Variants in ISG20L2 observed in about 807,000 individuals in gnomAD.
The protein encoded by ISG20L2 is interferon stimulated exonuclease gene 20 like 2.
A neutral mutation model predicts 27.8 loss-of-function variants in ISG20L2; 14 were observed. The observed-to-expected ratio is 0.50, with a 90% CI of 0.33 to 0.79. ISG20L2 has a LOEUF of 0.79. Among genes scored for constraint, ISG20L2 ranks in the 30% least tolerant of loss-of-function variants. The pLI is 0.02. For missense variants in ISG20L2, 393 were observed against 435.1 expected (o/e 0.90, Z 0.86); for synonymous variants, 157 against 165.7 (o/e 0.95, Z 0.40).
At position 156,724,231 on chromosome 1, in the gene ISG20L2, G is replaced by T. The variant is rs958261300; in HGVS notation, c.865C>A (p.Leu289Ile). The T allele has an allele frequency of 1.9e-6, 3 of 1,596,550 alleles. No homozygotes were observed. The highest frequency in any genetic ancestry group is 2.6e-6 in the Non-Finnish European group (3 of 1,166,324). ...TCCGGGCAGTCAGCCTTCCGGTTGA[G>T]GGGGGGGATATGGGAGGTGTCACGG... Reference protein sequence around the residue: ...LTRDTSHIPPLNRKADCPENA... With the variant: ...LTRDTSHIPPINRKADCPENA... The change falls in exon 3 of 4, where the codon CTC becomes ATC. Residue 289 changes from leucine (L) to isoleucine (I), a missense_variant. Around this residue, in one of 3 missense-constraint regions of ISG20L2, gnomAD observed 171 missense variants for 195.3 expected, o/e 0.88. Coordinates refer to ENST00000368219, the MANE Select transcript of ISG20L2 (RefSeq NM_001370150.2).
rs1648942015 is a variant in ISG20L2, at chr1:156,728,645, G to A, written c.-348C>T. The A allele has an allele frequency of 9.1e-6, 9 of 986,262 alleles. No individual in the cohort carries two copies. The highest frequency in any genetic ancestry group is 4.6e-5 in the South Asian group (1 of 21,774). 61.1% of individuals were successfully genotyped at this position (986,262 alleles called of 1,614,324 possible). On this transcript the variant is annotated 5_prime_UTR_variant, in exon 1 of 4. Coordinates refer to ENST00000368219, the MANE Select transcript of ISG20L2 (RefSeq NM_001370150.2). ...GCGTGGGTGGGGGCGGGGGCGGGAT[G>A]CGCTCCCCGGCCCCTCTAGCCCCGT...
chr1:156,726,621 C>G, intron 2 of ISG20L2: 1 of 931,424 alleles, frequency 1.1e-6, no homozygotes, highest in Non-Finnish European at 1.3e-6. Context: ...TGGGCTTGAG[C>G]GATTCTCCCG....
chr1:156,724,625 G>A, intron 2 of ISG20L2: 1 of 1,187,842 alleles, frequency 8.4e-7, no homozygotes, highest in Non-Finnish European at 1.0e-6. Flanking sequence ...TTTGCCTTCA[G>A]TCCTAAATGA....
intron 2 of ISG20L2, chr1:156,724,701 A>G: frequency 9.7e-7 from 1 of 1,026,116 alleles, no homozygotes; most frequent in South Asian, 4.0e-5. Context: ...TCCTTTAACT[A>G]TTACCATTAT....
Position 156,723,204 on chromosome 1 carries a change from G to T in ISG20L2, c.*145C>A. 1.0e-6 allele frequency: 1 copy of T among 958,728 alleles called. No homozygotes were observed. Among genetic ancestry groups the T allele is most frequent in the Non-Finnish European group, 1.6e-6 (1 of 638,446 alleles). 59.4% of individuals were successfully genotyped at this position (958,728 alleles called of 1,614,324 possible). On this transcript the variant is annotated 3_prime_UTR_variant, in exon 4 of 4. Transcript: ENST00000368219. ...ACAACACCTGAGGTGAAATTTCAAT[G>T]GGTATTAAGTCTGGGGTAGAGCTTC... is the stretch of plus-strand genomic sequence containing the variant.
chr1:156,724,100 A>G, intron 3 of ISG20L2, 48 bp downstream of exon 3: 1 of 1,511,550 alleles, frequency 6.6e-7, no homozygotes, highest in Non-Finnish European at 9.2e-7. Flanking sequence ...AGGGGCATCA[A>G]CGAGAGCCAT....
chr1:156,725,412 G>C (rs1648709321), intron 2 of ISG20L2: 1 of 152,232 alleles, frequency 6.6e-6, no homozygotes, highest in Non-Finnish European at 1.5e-5. Flanking sequence ...TCTTGAAGTA[G>C]GAGGACATGC....
intron 2 of ISG20L2, chr1:156,725,954 T>C: frequency 3.0e-6 from 3 of 985,532 alleles, no homozygotes; most frequent in Non-Finnish European, 3.6e-6. Flanking sequence ...TGCAAAGACG[T>C]GGACCAAGGG....
rs1291985869 is a variant in ISG20L2, at chr1:156,728,614, G to C, written c.-317C>G. On this transcript the variant is annotated 5_prime_UTR_variant, in exon 1 of 4. Transcript: ENST00000368219. Reference sequence around the variant, plus strand: ...AGGAGCGGCAGTGGCGGCGGAGGAGGGGGCGGCGTGGGTGGGGGCGGGGGC... The same window carrying C: ...AGGAGCGGCAGTGGCGGCGGAGGAGCGGGCGGCGTGGGTGGGGGCGGGGGC... The C allele has an allele frequency of 1.0e-6, 1 of 985,378 alleles. No individual in the cohort carries two copies. The highest frequency in any genetic ancestry group is 1.2e-6 in the Non-Finnish European group (1 of 829,454). 61.0% of individuals were successfully genotyped at this position (985,378 alleles called of 1,614,324 possible).
chr1:156,728,064 C>A lies in ISG20L2; in HGVS notation c.-117-295G>T, dbSNP rs536237110. On this transcript the variant is annotated intron_variant, in intron 1 of 3. Coordinates refer to ENST00000368219, the MANE Select transcript of ISG20L2 (RefSeq NM_001370150.2). ...TGGAGGGGCTTATAGAGCTCGAACCCTCTGAGTCTAAGAGGCTAGAACACG... is the reference window on the plus strand; with the variant it reads ...TGGAGGGGCTTATAGAGCTCGAACCATCTGAGTCTAAGAGGCTAGAACACG... 11 of 1,005,106 alleles carry A rather than the reference C, an allele frequency of 1.1e-5. No individual in the cohort carries two copies. In the South Asian group the frequency reaches 4.5e-4, roughly 41 times the overall value. 62.3% of individuals were successfully genotyped at this position (1,005,106 alleles called of 1,614,324 possible). A position where few individuals can be genotyped will look rare whatever the true frequency, so the allele number is the denominator to read the frequency against.
At chr1:156,724,622 TCA>T in intron 2 of ISG20L2, 1 of 1,202,316 alleles carries the variant, frequency 8.3e-7, no homozygotes, top group Non-Finnish European at 1.0e-6. Flanking sequence ...TAATTTGCCT[TCA>T]GTCCTAAATG....
At chr1:156,725,932 T>G in intron 2 of ISG20L2, 1 of 985,550 alleles carries the variant, frequency 1.0e-6, no homozygotes, top group Non-Finnish European at 1.2e-6. Context: ...GGGCAGAGTG[T>G]GGACCTGAAA....
Position 156,726,956 on chromosome 1 carries a change from G to A in ISG20L2, c.697C>T (p.Arg233Trp), listed in dbSNP as rs1444356648. Reference sequence around the variant, plus strand: ...GTGGCATTCACCATGTGCTGCTTCCGGATACCACTCCACCTGGTTCGGTAG... The same window carrying A: ...GTGGCATTCACCATGTGCTGCTTCCAGATACCACTCCACCTGGTTCGGTAG... ...VDYRTRWSGI[R>W]KQHMVNATPF... is the part of the protein sequence containing the mutation. Residue 233 changes from arginine (R) to tryptophan (W), a missense_variant, in exon 2 of 4, where the codon CGG (arginine) becomes TGG (tryptophan). Around this residue, in one of 3 missense-constraint regions of ISG20L2, gnomAD observed 171 missense variants for 195.3 expected, o/e 0.88. Transcript: ENST00000368219. 14 of 1,614,174 alleles carry A rather than the reference G, an allele frequency of 8.7e-6. No individual in the cohort carries two copies. The highest frequency in any genetic ancestry group is 2.2e-5 in the East Asian group (1 of 44,892).
intron 3 of ISG20L2, 149 bp from the exon 4 acceptor site, chr1:156,723,611 C>A (rs1648628708): frequency 6.9e-7 from 1 of 1,453,814 alleles, no homozygotes; most frequent in South Asian, 1.4e-5. Flanking sequence ...TGGTGGGGTC[C>A]TACTCCTTAT....
At chr1:156,723,867 C>A (rs1294288081) in intron 3 of ISG20L2, 1 of 1,283,360 alleles carries the variant, frequency 7.8e-7, no homozygotes, top group East Asian at 3.4e-5. Context: ...GCGGTCCTTG[C>A]ATCCACTACA....
chr1:156,725,733 G>T, intron 2 of ISG20L2: 1 of 314,848 alleles, frequency 3.2e-6, no homozygotes, highest in Non-Finnish European at 4.6e-6. Flanking sequence ...ATCAAAGCTG[G>T]GCAGATTTGC....
chr1:156,727,007 T>C lies in ISG20L2; in HGVS notation c.646A>G (p.Ile216Val). ...TCCACAATGTGGCAGGGGGGAAGAA[T>C]GTACTCGTCATAAAGCACATCTCCG... is the stretch of plus-strand genomic sequence containing the variant. ...YNGDVLYDEY[I>V]LPPCHIVDYR... The change falls in exon 2 of 4, where the codon ATT (isoleucine) becomes GTT (valine). Residue 216 changes from isoleucine to valine, a missense_variant. Around this residue, in one of 3 missense-constraint regions of ISG20L2, gnomAD observed 171 missense variants for 195.3 expected, o/e 0.88. Transcript: ENST00000368219. 1.9e-6 allele frequency: 3 copies of C among 1,614,180 alleles called. No individual in the cohort carries two copies. Among genetic ancestry groups the C allele is most frequent in the Non-Finnish European group, 1.7e-6 (2 of 1,180,028 alleles).
chr1:156,727,216 G>A lies in ISG20L2; in HGVS notation c.437C>T (p.Ser146Phe), dbSNP rs1648819181. The A allele has an allele frequency of 4.3e-6, 7 of 1,613,982 alleles. No individual in the cohort carries two copies. Among genetic ancestry groups the A allele is most frequent in the Non-Finnish European group, 5.9e-6 (7 of 1,180,020 alleles). ...SQKKSSQKKSSKKNHPQKNAP... is the reference protein window; with the variant it reads ...SQKKSSQKKSFKKNHPQKNAP... ...ATTCTTCTGAGGATGGTTCTTTTTAGAGGATTTCTTCTGGGAGCTCTTCTT... is the reference window on the plus strand; with the variant it reads ...ATTCTTCTGAGGATGGTTCTTTTTAAAGGATTTCTTCTGGGAGCTCTTCTT... The change falls in exon 2 of 4, where the codon TCT becomes TTT. Residue 146 changes from serine to phenylalanine, a missense_variant. Transcript: ENST00000368219.
At chr1:156,726,763 G>A in intron 2 of ISG20L2, 143 bp downstream of exon 2, 28 of 1,452,994 alleles carry the variant, frequency 1.9e-5, no homozygotes, top group Non-Finnish European at 2.5e-5. Flanking sequence ...CCACCGACAG[G>A]GGGCCTTCTT....
Sources: gnomAD v4.1 joint callset for allele counts on GRCh38, gnomAD v4.1.1 for gene constraint, gnomAD v4.1.1 regional missense constraint, MANE v1.5 for transcripts, NCBI Gene and HGNC (gene_info 2026-07-23, HGNC 2026-07-21) for gene names.